The following FYN variants were observed in gnomAD, a reference collection of about 807,000 sequenced individuals.
The protein encoded by FYN is tyrosine-protein kinase Fyn.
A neutral mutation model predicts 70.2 loss-of-function variants in FYN; 10 were observed. The ratio of observed to expected loss-of-function variants is 0.14; its 90% confidence interval spans 0.09 to 0.24. The LOEUF is 0.24. FYN is among the 10% of genes least tolerant of loss of function. The pLI is 1.00. For missense variants in FYN, 319 were observed against 673.1 expected (o/e 0.47, Z 5.82); for synonymous variants, 236 against 248.6 (o/e 0.95, Z 0.48).
At chr6:111,812,900 T>C (rs189722897) in intron 2 of FYN, among the ~76,000 whole-genome samples, 48 of 152,164 alleles carry the variant, frequency 3.2e-4, no homozygotes, top group African/African-American at 1.1e-3. Flanking sequence ...AATATTTTTA[T>C]GGAAAGAGTC....
chr6:111,697,173 TA>T (rs144187027), intron 9 of FYN, among the ~76,000 whole-genome samples: 5 of 151,676 alleles, frequency 3.3e-5, no homozygotes, highest in South Asian at 2.1e-4. Flanking sequence ...TTTAGCATGT[TA>T]AAAAAAAATC....
At chr6:111,763,024 C>G (rs1803070724) in intron 3 of FYN, among the ~76,000 whole-genome samples, 1 of 152,180 alleles carries the variant, frequency 6.6e-6, no homozygotes, top group Admixed American at 6.5e-5. Context: ...ATCTTTCAGG[C>G]CCCCTGACCC....
At chr6:111,732,409 T>C (rs901756791) in intron 3 of FYN, among the ~76,000 whole-genome samples, 24 of 152,220 alleles carry the variant, frequency 1.6e-4, no homozygotes, top group Non-Finnish European at 2.1e-4. Context: ...CAGGCAGGGT[T>C]GCCCTGGGTC....
At chr6:111,703,927 T>A in intron 7 of FYN, 72 bp downstream of exon 7, 1 of 1,160,646 alleles carries the variant, frequency 8.6e-7, no homozygotes, top group Admixed American at 1.7e-5. Flanking sequence ...ACATTAGAGA[T>A]AAGCCTTTCA....
At chr6:111,678,316 A>T (rs1465095175) in intron 12 of FYN, among the ~76,000 whole-genome samples, 1 of 152,182 alleles carries the variant, frequency 6.6e-6, no homozygotes, top group Non-Finnish European at 1.5e-5. Flanking sequence ...ACTTCCATGT[A>T]AGAGGATCTT....
At chr6:111,670,684 A>G (rs763975464) in intron 13 of FYN, among the ~76,000 whole-genome samples, 1 of 143,592 alleles carries the variant, frequency 7.0e-6, no homozygotes, top group Non-Finnish European at 1.5e-5. Flanking sequence ...GAAGCCGTGG[A>G]CGTTTTTAAC....
intron 2 of FYN, among the ~76,000 whole-genome samples, chr6:111,835,188 A>G (rs1773140751): frequency 6.6e-6 from 1 of 152,212 alleles, no homozygotes; most frequent in Non-Finnish European, 1.5e-5. Flanking sequence ...TTTCTCAACT[A>G]TTTAGTAGAT....
At chr6:111,673,082 G>C (rs1299305144) in intron 13 of FYN, among the ~76,000 whole-genome samples, 1 of 152,090 alleles carries the variant, frequency 6.6e-6, no homozygotes, top group Non-Finnish European at 1.5e-5. Context: ...AACCTGGGAG[G>C]GATCAGGAAG....
At chr6:111,814,132 C>A (rs1772411345) in intron 2 of FYN, 1 of 152,218 alleles carries the variant, frequency 6.6e-6, no homozygotes, top group Non-Finnish European at 1.5e-5. Context: ...CACATTTGCT[C>A]TGGAGGAGTT....
chr6:111,669,617 G>A (rs1216993416), intron 13 of FYN, among the ~76,000 whole-genome samples: 1 of 152,080 alleles, frequency 6.6e-6, no homozygotes, highest in African/African-American at 2.4e-5. Context: ...GAACTTTGAG[G>A]ACAGAGGCTA....
intron 12 of FYN, among the ~76,000 whole-genome samples, chr6:111,685,485 G>A (rs1167970636): frequency 6.6e-6 from 1 of 152,212 alleles, no homozygotes; most frequent in Non-Finnish European, 1.5e-5. Flanking sequence ...AGCCACCCTG[G>A]GGATGGCAGA....
intron 2 of FYN, among the ~76,000 whole-genome samples, chr6:111,785,268 C>T (rs1175312341): frequency 1.3e-5 from 2 of 152,242 alleles, no homozygotes; most frequent in Admixed American, 6.5e-5. Flanking sequence ...ATCTCTAGAT[C>T]TATCTCCCAT....
chr6:111,694,330 G>A lies in FYN; in HGVS notation c.1273+45C>T. The stretch of plus-strand genomic sequence containing the variant: ...AGGAAGGGCTGTGCAGTAAGTGACT[G>A]TTCTCACAGCTGTGATCACGAGCCA... On this transcript the variant is annotated intron_variant, in intron 12 of 13. Coordinates refer to ENST00000354650, the MANE Select transcript of FYN (RefSeq NM_002037.5). This position sits in a 1 kb window ranked among gnomAD's most constrained non-coding sequence, Gnocchi z 5.0. 1.2e-6 allele frequency: 2 copies of A among 1,606,814 alleles called. No individual in the cohort carries two copies.
intron 6 of FYN, among the ~76,000 whole-genome samples, chr6:111,707,351 C>CA (rs1800140037): frequency 6.6e-6 from 1 of 152,170 alleles, no homozygotes; most frequent in Non-Finnish European, 1.5e-5. Flanking sequence ...ATAGTTGGGC[C>CA]AAATAACTGC....
At chr6:111,804,303 C>G (rs1772081566) in intron 2 of FYN, among the ~76,000 whole-genome samples, 1 of 152,096 alleles carries the variant, frequency 6.6e-6, no homozygotes, top group Non-Finnish European at 1.5e-5. Context: ...CTGGGGGGAA[C>G]TGGGGAACAG....
At chr6:111,781,394 G>A (rs1771165943) in intron 2 of FYN, among the ~76,000 whole-genome samples, 1 of 152,122 alleles carries the variant, frequency 6.6e-6, no homozygotes, top group East Asian at 1.9e-4. Flanking sequence ...GGCATACACT[G>A]GTCTCTTGGC....
At chr6:111,720,662 A>G (rs706896) in intron 3 of FYN, among the ~76,000 whole-genome samples, 3,620 of 152,272 alleles carry the variant, frequency 0.024, 150 homozygotes, top group African/African-American at 0.077. Context: ...GAAAAATAAA[A>G]TCGGCAGAAC....
At chr6:111,807,864 C>T (rs1293970596) in intron 2 of FYN, among the ~76,000 whole-genome samples, 2 of 152,134 alleles carry the variant, frequency 1.3e-5, no homozygotes, top group Non-Finnish European at 2.9e-5. Flanking sequence ...AATCCCAGCA[C>T]TTTGGGAGGC....
At chr6:111,848,116 T>C (rs1445653631) in intron 1 of FYN, among the ~76,000 whole-genome samples, 1 of 152,230 alleles carries the variant, frequency 6.6e-6, no homozygotes, top group Non-Finnish European at 1.5e-5. Context: ...AAATCAATAC[T>C]ATGAGAACTC....
Sources: gnomAD v4.1 joint callset for allele counts (sites outside exome capture counted in the v4.1 genomes callset) on GRCh38, gnomAD v4.1.1 for gene constraint, Gnocchi (gnomAD v3.1) non-coding constraint, MANE v1.5 for transcripts, NCBI Gene and HGNC (gene_info 2026-07-23, HGNC 2026-07-21) for gene names.